SDR42E2: variants seen among roughly 807,000 people sequenced by gnomAD.
SDR42E2 encodes the protein putative short-chain dehydrogenase/reductase family 42E member 2.
SDR42E2 carries 20 observed loss-of-function variants against 10.5 expected under a neutral mutation model. The ratio of observed to expected loss-of-function variants is 1.90; its 90% confidence interval spans 1.34 to 2.77. The LOEUF (loss-of-function observed/expected upper bound fraction) is 2.77, where lower values mean the gene tolerates loss of function less well. Among genes scored for constraint, SDR42E2 ranks in the 30% most tolerant of loss-of-function variants. The probability of loss-of-function intolerance (pLI) is 0.00; values close to 1 mark genes in which losing one functional copy is unlikely to be tolerated. For missense variants in SDR42E2, 162 were observed against 104.2 expected, an observed-to-expected ratio of 1.55 and a Z score of -2.42; for synonymous variants, 72 against 39.2, an observed-to-expected ratio of 1.84 and a Z score of -3.12.
At chr16:22,179,770 G>A (rs2046676885) in intron 8 of SDR42E2, among the ~76,000 whole-genome samples, 1 of 146,400 alleles carries the variant, frequency 6.8e-6, no homozygotes, top group African/African-American at 2.6e-5. Context: ...CCGAGATTGT[G>A]CCATTGCACT....
In SDR42E2 at chr16:22,191,400, C is replaced by T. The variant is rs2046774266; in HGVS notation, c.*1007C>T. ...CTCCGCCTCCCGGGTAGGTTCTCCC[C>T]GGAACCAGGCTGCCGCGTCGCTATG... is the stretch of plus-strand genomic sequence containing the variant. On this transcript the variant is annotated 3_prime_UTR_variant, in exon 13 of 13. Coordinates refer to ENST00000602312, the MANE Select transcript of SDR42E2 (RefSeq NM_001394319.2). The T allele has an allele frequency of 6.6e-6, 1 of 152,526 alleles. No homozygotes were observed. Among genetic ancestry groups the T allele is most frequent in the Non-Finnish European group, 1.5e-5 (1 of 68,088 alleles). 9.4% of individuals were successfully genotyped at this position (152,526 alleles called of 1,614,324 possible).
chr16:22,188,000 G>A (rs747806824), intron 12 of SDR42E2, among the ~76,000 whole-genome samples: 1 of 151,912 alleles, frequency 6.6e-6, no homozygotes, highest in Admixed American at 6.6e-5. Flanking sequence ...GGATGCTGAG[G>A]CAGAAGAGTC....
Position 22,171,302 on chromosome 16 carries a change from G to A in SDR42E2, c.513+351G>A, listed in dbSNP as rs182664807. The stretch of plus-strand genomic sequence containing the variant: ...TGTCCCCAGGCTGGAGTGCAGTGGC[G>A]TGATTTTGGCTCACTGCAACCTCTG... On this transcript the variant is annotated intron_variant, in intron 6 of 12. Transcript: ENST00000602312. Among the ~76,000 whole-genome samples the A allele has an allele frequency of 1.8e-3, 272 of 151,976 alleles. 1 individual carries two copies. Among genetic ancestry groups the A allele is most frequent in the East Asian group, 8.1e-3 (42 of 5,180 alleles).
chr16:22,179,340 CCA>C (rs1200326728), intron 8 of SDR42E2, among the ~76,000 whole-genome samples: 1 of 151,976 alleles, frequency 6.6e-6, no homozygotes, highest in Non-Finnish European at 1.5e-5. Flanking sequence ...GTGGTCAACC[CCA>C]GTGACTCTCT....
In SDR42E2 at chr16:22,181,588, G is replaced by C. The variant is rs577612186; in HGVS notation, c.742G>C (p.Val248Leu). The change falls in exon 9 of 13, where the codon GTA (valine) becomes CTA (leucine). Residue 248 changes from valine (V) to leucine (L), a missense_variant. Physicochemically the swap from Val to Leu is conservative, Grantham distance 32 (BLOSUM62 1). Transcript: ENST00000602312. ...DHKARMNWVH[V>L]HNLVQAHVLA... ...CAAGGCACGGATGAACTGGGTCCAC[G>C]TACACAATCTGGTGCAGGCACACGT... 3.3e-5 allele frequency: 23 copies of C among 702,906 alleles called. No homozygotes were observed. Among genetic ancestry groups the C allele is most frequent in the Non-Finnish European group, 1.8e-5 (7 of 385,014 alleles). 43.5% of individuals were successfully genotyped at this position (702,906 alleles called of 1,614,324 possible). A position where few individuals can be genotyped will look rare whatever the true frequency, so the allele number is the denominator to read the frequency against.
At chr16:22,183,374 T>C (rs2046711681) in intron 10 of SDR42E2, among the ~76,000 whole-genome samples, 1 of 152,158 alleles carries the variant, frequency 6.6e-6, no homozygotes, top group Admixed American at 6.6e-5. Flanking sequence ...CTTCCAGATT[T>C]ATGTTGGCTT....
At chr16:22,186,691 C>G (rs2046738804) in intron 11 of SDR42E2, 30 bp from the exon 12 acceptor site, 1 of 401,074 alleles carries the variant, frequency 2.5e-6, no homozygotes, top group Admixed American at 4.4e-5. Context: ...ATGTGAGGCC[C>G]CTGGTCACTG....
At position 22,169,518 on chromosome 16, in the gene SDR42E2, C is replaced by T. The variant is rs1452167334; in HGVS notation, c.394+16C>T. 7 of 703,316 alleles carry T rather than the reference C, an allele frequency of 1.0e-5. 1 individual carries two copies. The highest frequency in any genetic ancestry group is 4.4e-5 in the South Asian group (3 of 67,602). 43.6% of individuals were successfully genotyped at this position (703,316 alleles called of 1,614,324 possible). ...GTGATTGATGGTAGGTGCTCAGAGC[C>T]GGGTATGACCTGCTGTGCCTCTCCC... On this transcript the variant is annotated intron_variant, in intron 5 of 12. Coordinates refer to ENST00000602312, the MANE Select transcript of SDR42E2 (RefSeq NM_001394319.2).
At chr16:22,180,466 C>G (rs771160850) in intron 8 of SDR42E2, among the ~76,000 whole-genome samples, 1 of 151,894 alleles carries the variant, frequency 6.6e-6, no homozygotes, top group Admixed American at 6.6e-5. Context: ...TTTGGGAAGC[C>G]GAGGAGGGAA....
Position 22,190,351 on chromosome 16 carries a change from C to A in SDR42E2, c.1227C>A (p.Phe409Leu), listed in dbSNP as rs2046764371. Residue 409 changes from phenylalanine to leucine, a missense_variant, in exon 13 of 13, where the codon TTC becomes TTA. Coordinates refer to ENST00000602312, the MANE Select transcript of SDR42E2 (RefSeq NM_001394319.2). ...FLGLLALALH[F>L]LGLQPLHAAV... is the part of the protein sequence containing the mutation. ...GCTTGCTCGCCCTGGCCCTGCACTT[C>A]CTAGGCCTGCAGCCTCTGCACGCCG... The A allele has an allele frequency of 7.5e-6, 3 of 402,594 alleles. No individual in the cohort carries two copies. Among genetic ancestry groups the A allele is most frequent in the African/African-American group, 4.1e-5 (2 of 48,806 alleles). 24.9% of individuals were successfully genotyped at this position (402,594 alleles called of 1,614,324 possible). A position where few individuals can be genotyped will look rare whatever the true frequency, so the allele number is the denominator to read the frequency against.
chr16:22,189,598 C>T (rs570625685), intron 12 of SDR42E2, among the ~76,000 whole-genome samples: 9 of 152,324 alleles, frequency 5.9e-5, no homozygotes, highest in African/African-American at 2.2e-4. Context: ...AGCTTAGACC[C>T]TGGAGAGCAA....
At chr16:22,167,031 G>A (rs2046547609) in intron 4 of SDR42E2, 32 bp downstream of exon 4, 1 of 699,558 alleles carries the variant, frequency 1.4e-6, no homozygotes, top group Admixed American at 2.0e-5. Context: ...CCTGGAGTTA[G>A]ACAGAGTGGG....
chr16:22,172,590 T>G (rs1254186571), intron 7 of SDR42E2, among the ~76,000 whole-genome samples: 1 of 152,210 alleles, frequency 6.6e-6, no homozygotes, highest in Non-Finnish European at 1.5e-5. Context: ...GGGAAGAGAC[T>G]TGAGCAAACC....
intron 6 of SDR42E2, among the ~76,000 whole-genome samples, chr16:22,171,527 G>GTTTGT (rs966200541): frequency 5.5e-4 from 82 of 150,300 alleles, no homozygotes; most frequent in African/African-American, 1.8e-3. Flanking sequence ...CGTGTTGTTT[G>GTTTGT]TTTGTTTTGT....
rs2046594055 is a variant in SDR42E2, at chr16:22,170,904, A to G, written c.466A>G (p.Ile156Val). ...TVNVAFGGKP[I>V]EQGDEDSVPY... is the part of the protein sequence containing the mutation. The stretch of plus-strand genomic sequence containing the variant: ...CAATGTTGCATTTGGAGGGAAGCCC[A>G]TAGAGCAGGGCGATGAGGACTCTGT... The change falls in exon 6 of 13, where the codon ATA becomes GTA. Residue 156 changes from isoleucine to valine, a missense_variant. By Grantham distance (29) the Ile-to-Val change is conservative. Coordinates refer to ENST00000602312, the MANE Select transcript of SDR42E2 (RefSeq NM_001394319.2). 1 of 703,040 alleles carries G rather than the reference A, an allele frequency of 1.4e-6. No individual in the cohort carries two copies. The highest frequency in any genetic ancestry group is 2.6e-6 in the Non-Finnish European group (1 of 385,014). The allele number at this position is 703,040 out of a possible 1,614,324, so 43.6% of individuals were successfully genotyped here. A position where few individuals can be genotyped will look rare whatever the true frequency, so the allele number is the denominator to read the frequency against.
intron 4 of SDR42E2, among the ~76,000 whole-genome samples, 185 bp downstream of exon 4, chr16:22,167,184 T>G (rs1481199761): frequency 1.8e-4 from 23 of 126,714 alleles, no homozygotes; most frequent in South Asian, 5.7e-4. Context: ...TTTTTTTTTT[T>G]TTTTTTTTTT....
intron 4 of SDR42E2, among the ~76,000 whole-genome samples, chr16:22,167,864 A>C (rs904497062): frequency 6.6e-6 from 1 of 152,234 alleles, no homozygotes. Context: ...GTTTCCAAAA[A>C]AAGCTAAAGA....
At position 22,190,724 on chromosome 16, in the gene SDR42E2, G is replaced by A. The variant is rs1290154764; in HGVS notation, c.*331G>A. ...CCACGTCCCTGGTCGGCCCAGACGCGTAGCCCCGAGTCTCTTTCCATGTTT... is the reference window on the plus strand; with the variant it reads ...CCACGTCCCTGGTCGGCCCAGACGCATAGCCCCGAGTCTCTTTCCATGTTT... On this transcript the variant is annotated 3_prime_UTR_variant, in exon 13 of 13. Coordinates refer to ENST00000602312, the MANE Select transcript of SDR42E2 (RefSeq NM_001394319.2). 6.8e-6 allele frequency: 2 copies of A among 292,834 alleles called. No individual in the cohort carries two copies. Among genetic ancestry groups the A allele is most frequent in the Admixed American group, 5.3e-5 (1 of 18,796 alleles). The allele number at this position is 292,834 out of a possible 1,614,324, so 18.1% of individuals were successfully genotyped here.
intron 5 of SDR42E2, among the ~76,000 whole-genome samples, chr16:22,170,264 G>C (rs2046586153): frequency 6.6e-6 from 1 of 152,062 alleles, no homozygotes; most frequent in Non-Finnish European, 1.5e-5. Flanking sequence ...TGAGGCAGGA[G>C]AATCGCTTGA....
Sources: gnomAD v4.1 joint callset for allele counts (sites outside exome capture counted in the v4.1 genomes callset) on GRCh38, gnomAD v4.1.1 for gene constraint, MANE v1.5 for transcripts, NCBI Gene and HGNC (gene_info 2026-07-23, HGNC 2026-07-21) for gene names.